Variants in STX17 observed in about 807,000 individuals in gnomAD.
STX17 encodes syntaxin-17.
STX17 carries 29 observed loss-of-function variants against 35.9 expected under a neutral mutation model. That is an observed-to-expected ratio of 0.81 (90% confidence interval 0.60 to 1.10). The LOEUF (loss-of-function observed/expected upper bound fraction) is 1.10. STX17 is among the 50% of genes least tolerant of loss of function. The probability of loss-of-function intolerance (pLI) is 0.00; values close to 1 mark genes in which losing one functional copy is unlikely to be tolerated. For synonymous variants in STX17, 92 were observed against 118.3 expected (o/e 0.78, Z 1.44); for missense variants, 312 against 352.3 (o/e 0.89, Z 0.92).
At position 99,951,213 on chromosome 9, in the gene STX17, G is replaced by A. The variant is rs1829586562; in HGVS notation, c.343G>A (p.Glu115Lys). The change falls in exon 4 of 8, where the codon GAA becomes AAA. Residue 115 changes from glutamate (E) to lysine (K), a missense_variant. Glu to Lys is a moderately conservative substitution (Grantham distance 56). Coordinates refer to ENST00000259400, the MANE Select transcript of STX17 (RefSeq NM_017919.3). ...CCAACTCCATTTGGAATCTGTAGAA[G>A]AACTTAAGAAGCAATTTAATGATGA... ...FLQLHLESVE[E>K]LKKQFNDEET... 9 of 1,612,926 alleles carry A rather than the reference G, an allele frequency of 5.6e-6. No homozygotes were observed. Among genetic ancestry groups the A allele is most frequent in the Non-Finnish European group, 7.6e-6 (9 of 1,179,236 alleles).
At chr9:99,938,799 G>A (rs559567184) in intron 3 of STX17, among the ~76,000 whole-genome samples, 59 of 149,958 alleles carry the variant, frequency 3.9e-4, no homozygotes, top group African/African-American at 1.4e-3. Context: ...AGGAAGGAAG[G>A]GAGGGAGGGA....
At chr9:99,915,441 G>C (rs1828749562) in intron 2 of STX17, 79 bp downstream of exon 2, 3 of 1,489,822 alleles carry the variant, frequency 2.0e-6, no homozygotes, top group Non-Finnish European at 2.7e-6. Context: ...GCTAAATTTA[G>C]AATATTAGAT....
chr9:99,907,728 C>T lies in STX17; in HGVS notation c.-63+1022C>T, dbSNP rs572539114. ...AAAGTAATACAGAGTTCCCTATTGC[C>T]TCCATTAATAATTTTTTACATACCA... On this transcript the variant is annotated intron_variant, in intron 1 of 7. Transcript: ENST00000259400. 3.9e-5 allele frequency among the ~76,000 whole-genome samples: 6 copies of T among 152,194 alleles called. No homozygotes were observed. In the East Asian group the frequency reaches 1.2e-3, roughly 29 times the overall value.
chr9:99,948,924 C>T (rs1345906102), intron 3 of STX17, among the ~76,000 whole-genome samples: 1 of 152,008 alleles, frequency 6.6e-6, no homozygotes, highest in Non-Finnish European at 1.5e-5. Flanking sequence ...TAATGCTTCT[C>T]CAAGATAATA....
chr9:99,910,724 A>G (rs1828643145), intron 1 of STX17, among the ~76,000 whole-genome samples: 1 of 152,182 alleles, frequency 6.6e-6, no homozygotes, highest in Non-Finnish European at 1.5e-5. Context: ...TATGCAATAA[A>G]TTATTGTTAA....
chr9:99,922,799 C>A (rs2118343028), intron 2 of STX17, among the ~76,000 whole-genome samples: 1 of 152,302 alleles, frequency 6.6e-6, no homozygotes, highest in South Asian at 2.1e-4. Context: ...AATCTTACTG[C>A]TAAAATTAGA....
At chr9:99,937,409 T>C (rs1223573233) in intron 3 of STX17, among the ~76,000 whole-genome samples, 4 of 152,234 alleles carry the variant, frequency 2.6e-5, no homozygotes, top group Non-Finnish European at 4.4e-5. Context: ...TAAAGTTATG[T>C]GATAGCTCAC....
At chr9:99,945,889 C>G (rs953796842) in intron 3 of STX17, 6 of 185,528 alleles carry the variant, frequency 3.2e-5, no homozygotes, top group African/African-American at 1.4e-4. Context: ...CGAGACCAAC[C>G]TGGCTAACAT....
chr9:99,968,374 A>G, intron 7 of STX17, 60 bp from the exon 8 acceptor site: 1 of 1,506,770 alleles, frequency 6.6e-7, no homozygotes, highest in Non-Finnish European at 8.8e-7. Flanking sequence ...GAAAACGCAC[A>G]TCACCACAGG....
chr9:99,911,026 A>G (rs540952507), intron 1 of STX17, among the ~76,000 whole-genome samples: 1 of 150,228 alleles, frequency 6.7e-6, no homozygotes, highest in Non-Finnish European at 1.5e-5. Context: ...AAATGACAGG[A>G]TTTCATTCTT....
intron 6 of STX17, among the ~76,000 whole-genome samples, chr9:99,965,830 A>G (rs1829901499): frequency 6.6e-6 from 1 of 152,188 alleles, no homozygotes; most frequent in Non-Finnish European, 1.5e-5. Flanking sequence ...AAATTAGGAT[A>G]AATTTTTCTA....
At chr9:99,928,158 T>C (rs1829028268) in intron 2 of STX17, among the ~76,000 whole-genome samples, 1 of 152,114 alleles carries the variant, frequency 6.6e-6, no homozygotes, top group African/African-American at 2.4e-5. Context: ...TATATAAATA[T>C]TCTGCTATAA....
rs117941272 is a variant in STX17, at chr9:99,934,255, G to A, written c.189+5412G>A. Among the ~76,000 whole-genome samples the A allele has an allele frequency of 2.7e-3, 404 of 152,232 alleles. 1 individual carries two copies. Among genetic ancestry groups the A allele is most frequent in the Non-Finnish European group, 4.7e-3 (319 of 67,996 alleles). Reference sequence around the variant, plus strand: ...GGCACTTCATAAGAATCTTTAATGAGAACCCATTCCAGTGTTGTATTCTAG... The same window carrying A: ...GGCACTTCATAAGAATCTTTAATGAAAACCCATTCCAGTGTTGTATTCTAG... On this transcript the variant is annotated intron_variant, in intron 3 of 7. Coordinates refer to ENST00000259400, the MANE Select transcript of STX17 (RefSeq NM_017919.3).
At chr9:99,925,557 T>G (rs1186197695) in intron 2 of STX17, among the ~76,000 whole-genome samples, 13 of 152,172 alleles carry the variant, frequency 8.5e-5, no homozygotes, top group Non-Finnish European at 1.9e-4. Flanking sequence ...TGATGGATTC[T>G]ATCAGCTTTT....
At chr9:99,932,566 A>G (rs528014441) in intron 3 of STX17, among the ~76,000 whole-genome samples, 18 of 152,300 alleles carry the variant, frequency 1.2e-4, no homozygotes, top group Middle Eastern at 3.4e-3. Context: ...ATTTCTTACA[A>G]TCTTCACTGT....
rs1176475888 is a variant in STX17 at position 99,952,473 on chromosome 9, G to C, written c.415+1188G>C. ...CAACCATTGTGGAAGTCAGTGTGGC[G>C]ATTCCTCAAGGATCTAGAACTAGAA... On this transcript the variant is annotated intron_variant, in intron 4 of 7. Coordinates refer to ENST00000259400, the MANE Select transcript of STX17 (RefSeq NM_017919.3). 3.9e-5 allele frequency among the ~76,000 whole-genome samples: 6 copies of C among 152,282 alleles called. No individual in the cohort carries two copies. The East Asian group carries it at 9.6e-4, about 24-fold the overall frequency.
At chr9:99,967,571 G>C in intron 6 of STX17, 82 bp from the exon 7 acceptor site, 1 of 1,275,676 alleles carries the variant, frequency 7.8e-7, no homozygotes, top group Non-Finnish European at 1.1e-6. Context: ...CCAGGGCCCT[G>C]ATTACAGGAA....
At chr9:99,919,812 T>G (rs931421822) in intron 2 of STX17, among the ~76,000 whole-genome samples, 3 of 152,096 alleles carry the variant, frequency 2.0e-5, no homozygotes, top group Non-Finnish European at 2.9e-5. Flanking sequence ...AAGTTTGCAG[T>G]CCAGTTAAGG....
intron 3 of STX17, among the ~76,000 whole-genome samples, chr9:99,942,580 G>A (rs933933359): frequency 1.3e-5 from 2 of 152,038 alleles, no homozygotes; most frequent in African/African-American, 2.4e-5. Flanking sequence ...TCAAACTCCT[G>A]GGCTCGAGAG....
Sources: allele counts gnomAD v4.1 joint callset (sites outside exome capture counted in the v4.1 genomes callset), GRCh38; gene constraint gnomAD v4.1.1; transcripts MANE v1.5; gene names NCBI Gene and HGNC (gene_info 2026-07-23, HGNC 2026-07-21).